Variants in HCN1 observed in about 807,000 individuals in gnomAD.
The protein encoded by HCN1 is potassium/sodium hyperpolarization-activated cyclic nucleotide-gated channel 1.
In HCN1, 13 loss-of-function variants were observed where a neutral mutation model predicts 78.9. The ratio of observed to expected loss-of-function variants is 0.16; its 90% CI spans 0.11 to 0.26. The LOEUF (loss-of-function observed/expected upper bound fraction) is 0.26, where lower values mean the gene tolerates loss of function less well. Among genes scored for constraint, HCN1 ranks in the 10% least tolerant of loss-of-function variants. The probability of loss-of-function intolerance (pLI) is 1.00; values close to 1 mark genes in which losing one functional copy is unlikely to be tolerated. For missense variants in HCN1, 810 were observed against 1,154.3 expected (o/e 0.70, Z 4.32); for synonymous variants, 552 against 455.5 (o/e 1.21, Z -2.70).
chr5:45,656,119 G>A (rs188351706), intron 1 of HCN1, among the ~76,000 whole-genome samples: 5 of 152,238 alleles, frequency 3.3e-5, no homozygotes, highest in Non-Finnish European at 5.9e-5. Flanking sequence ...AGACATGTTC[G>A]TAAATTGCAC....
intron 2 of HCN1, among the ~76,000 whole-genome samples, chr5:45,486,952 C>T (rs946509361): frequency 2.0e-5 from 3 of 152,054 alleles, no homozygotes; most frequent in South Asian, 2.1e-4. Context: ...TCACAGTTGT[C>T]CTAAATACAG....
chr5:45,392,730 G>A (rs1414021579), intron 4 of HCN1, among the ~76,000 whole-genome samples: 1 of 151,018 alleles, frequency 6.6e-6, no homozygotes, highest in Non-Finnish European at 1.5e-5. Context: ...AGATTACAGT[G>A]AGCCAAGATC....
chr5:45,454,067 T>G (rs1188657109), intron 3 of HCN1, among the ~76,000 whole-genome samples: 1 of 152,136 alleles, frequency 6.6e-6, no homozygotes, highest in African/African-American at 2.4e-5. Flanking sequence ...CTAAAGCAAC[T>G]CAAGGTCACC....
chr5:45,694,737 C>G (rs1739973235), intron 1 of HCN1, among the ~76,000 whole-genome samples: 1 of 152,168 alleles, frequency 6.6e-6, no homozygotes, highest in Non-Finnish European at 1.5e-5. Context: ...ATAAGAGGAT[C>G]TACTACACGA....
At chr5:45,547,926 C>G (rs1484421950) in intron 2 of HCN1, among the ~76,000 whole-genome samples, 1 of 151,856 alleles carries the variant, frequency 6.6e-6, no homozygotes, top group East Asian at 1.9e-4. Context: ...TATTAATCAC[C>G]TATTCGTATC....
intron 1 of HCN1, among the ~76,000 whole-genome samples, chr5:45,658,761 C>T (rs571323988): frequency 1.6e-3 from 245 of 152,138 alleles, no homozygotes; most frequent in African/African-American, 5.6e-3. Flanking sequence ...TAAAAAACGG[C>T]GCACCACGAG....
At chr5:45,373,900 A>AATATATTACATACGGTATATACATCAT (rs1561129889) in intron 4 of HCN1, among the ~76,000 whole-genome samples, 14 of 136,178 alleles carry the variant, frequency 1.0e-4, no homozygotes, top group African/African-American at 2.4e-4. Flanking sequence ...TGTCATCTAT[A>AATATATTACATACGGTATATACATCAT]ATATATTACA....
intron 1 of HCN1, among the ~76,000 whole-genome samples, chr5:45,667,704 G>A (rs976710490): frequency 1.3e-5 from 2 of 151,864 alleles, no homozygotes; most frequent in African/African-American, 2.4e-5. Context: ...GAAATCTTAC[G>A]AATAAACACA....
rs113472541 is a variant in HCN1 at position 45,302,121 on chromosome 5, A to G, written c.1618+1478T>C. Among the ~76,000 whole-genome samples, 4 of 152,242 alleles carry G rather than the reference A, an allele frequency of 2.6e-5. 1 individual carries two copies. The highest frequency in any genetic ancestry group is 9.6e-5 in the African/African-American group (4 of 41,580). On this transcript the variant is annotated intron_variant, in intron 6 of 7. Coordinates refer to ENST00000303230, the MANE Select transcript of HCN1 (RefSeq NM_021072.4). ...TTAGGGTATGTCCTTTTGTTTATTA[A>G]CAAGATAATATGGTTTGGCTCTATG... is the stretch of plus-strand genomic sequence containing the variant.
At chr5:45,655,725 G>A (rs1745751908) in intron 1 of HCN1, among the ~76,000 whole-genome samples, 1 of 152,036 alleles carries the variant, frequency 6.6e-6, no homozygotes, top group Non-Finnish European at 1.5e-5. Flanking sequence ...CAAAGTGATA[G>A]CTCCCTTGTC....
intron 2 of HCN1, among the ~76,000 whole-genome samples, chr5:45,599,037 C>T (rs13357371): frequency 0.27 from 40,495 of 152,022 alleles, 5,509 homozygotes; most frequent in East Asian, 0.32. Context: ...CTAGAAATAC[C>T]ATTTGACCCG....
chr5:45,449,833 G>C (rs529686343), intron 3 of HCN1, among the ~76,000 whole-genome samples: 3 of 152,102 alleles, frequency 2.0e-5, no homozygotes, highest in African/African-American at 7.2e-5. Context: ...AAGAACATAA[G>C]TTGGTTTTTT....
chr5:45,434,292 C>T (rs376923693), intron 3 of HCN1, among the ~76,000 whole-genome samples: 2 of 152,236 alleles, frequency 1.3e-5, no homozygotes, highest in East Asian at 3.9e-4. Context: ...ATTGGTAATA[C>T]CCTTGGAGAC....
intron 2 of HCN1, among the ~76,000 whole-genome samples, chr5:45,549,871 T>A (rs1743324739): frequency 6.6e-6 from 1 of 152,124 alleles, no homozygotes; most frequent in Non-Finnish European, 1.5e-5. Context: ...AGAAGACATT[T>A]ATGCAGCCAA....
chr5:45,389,386 C>G (rs189094781), intron 4 of HCN1, among the ~76,000 whole-genome samples: 4 of 152,268 alleles, frequency 2.6e-5, no homozygotes, highest in Admixed American at 2.0e-4. Context: ...CTTAAAATCT[C>G]TTATCTCGCC....
chr5:45,397,146 A>T (rs1484520984), intron 3 of HCN1, among the ~76,000 whole-genome samples: 2 of 152,186 alleles, frequency 1.3e-5, no homozygotes, highest in East Asian at 3.9e-4. Context: ...TGAAGTTCAG[A>T]TTTTAAAAAT....
intron 5 of HCN1, among the ~76,000 whole-genome samples, chr5:45,317,896 A>T (rs1416155942): frequency 6.6e-6 from 1 of 152,202 alleles, no homozygotes; most frequent in Non-Finnish European, 1.5e-5. Context: ...AATGGCGATC[A>T]TTAAAAAGTC....
chr5:45,363,886 C>G (rs1375818768), intron 4 of HCN1, among the ~76,000 whole-genome samples: 1 of 151,944 alleles, frequency 6.6e-6, no homozygotes, highest in East Asian at 1.9e-4. Flanking sequence ...CTTTTTCTTC[C>G]CAGTCTCGGG....
At chr5:45,472,338 C>A (rs1741407598) in intron 2 of HCN1, among the ~76,000 whole-genome samples, 1 of 151,756 alleles carries the variant, frequency 6.6e-6, no homozygotes. Flanking sequence ...AGGGGCTTGC[C>A]CTTAACTCTG....
Sources: gnomAD v4.1 joint callset for allele counts (sites outside exome capture counted in the v4.1 genomes callset) on GRCh38, gnomAD v4.1.1 for gene constraint, MANE v1.5 for transcripts, NCBI Gene and HGNC (gene_info 2026-07-23, HGNC 2026-07-21) for gene names.